Variants in HYDIN observed in about 807,000 individuals in gnomAD.
The protein encoded by HYDIN is HYDIN axonemal central pair apparatus protein.
In HYDIN, 132 loss-of-function variants were observed where a neutral mutation model predicts 403.9. That is an observed-to-expected ratio of 0.33 (90% CI 0.28 to 0.38). HYDIN has a LOEUF of 0.38. HYDIN is among the 10% of genes least tolerant of loss of function. The pLI, the probability that HYDIN is intolerant of heterozygous loss-of-function variation, is 1.00. For synonymous variants in HYDIN, 1,202 were observed against 1,891.7 expected (o/e 0.64, Z 9.46); for missense variants, 2,827 against 5,009.5 (o/e 0.56, Z 13.15).
At chr16:71,032,577 A>T (rs1323034365) in intron 18 of HYDIN, among the ~76,000 whole-genome samples, 1 of 133,712 alleles carries the variant, frequency 7.5e-6, no homozygotes, top group Non-Finnish European at 1.6e-5. Context: ...CTGTGCAAAC[A>T]TTGTAGAGCG....
In HYDIN at chr16:71,170,486, C is replaced by T. The variant is rs1434891463; in HGVS notation, c.516+5121G>A. On this transcript the variant is annotated intron_variant, in intron 5 of 85. Coordinates refer to ENST00000393567, the MANE Select transcript of HYDIN (RefSeq NM_001270974.2). ...AGGCTATAGATCTAACTATCAGTTACAGGCAACAGGCAGCAAGGGGCCATT... is the reference window on the plus strand; with the variant it reads ...AGGCTATAGATCTAACTATCAGTTATAGGCAACAGGCAGCAAGGGGCCATT... Among the ~76,000 whole-genome samples the T allele has an allele frequency of 3.9e-5, 6 of 152,252 alleles. No homozygotes were observed. In the East Asian group the frequency reaches 1.2e-3, roughly 29 times the overall value.
intron 75 of HYDIN, among the ~76,000 whole-genome samples, chr16:70,843,592 A>G (rs1386706493): frequency 1.4e-5 from 2 of 140,696 alleles, no homozygotes; most frequent in Admixed American, 7.0e-5. Flanking sequence ...GGTATTACTA[A>G]TTCTAGGTCC....
intron 3 of HYDIN, 28 bp from the exon 4 acceptor site, chr16:71,179,075 A>C (rs375993593): frequency 6.3e-7 from 1 of 1,587,932 alleles, no homozygotes; most frequent in Non-Finnish European, 8.6e-7. Context: ...AATTATTGTT[A>C]TAGTCACACA....
intron 23 of HYDIN, among the ~76,000 whole-genome samples, chr16:70,995,489 T>G (rs2079501244): frequency 6.6e-6 from 1 of 152,144 alleles, no homozygotes; most frequent in Non-Finnish European, 1.5e-5. Context: ...TCATGTTTTA[T>G]TTTCAACTCT....
chr16:70,979,176 C>T, intron 29 of HYDIN, 135 bp from the exon 30 acceptor site: 1 of 1,138,796 alleles, frequency 8.8e-7, no homozygotes, highest in Non-Finnish European at 1.2e-6. Flanking sequence ...GATACTTTGT[C>T]TGCCCCGCTT....
At chr16:71,141,452 A>C (rs3094845) in intron 7 of HYDIN, among the ~76,000 whole-genome samples, 1 of 152,016 alleles carries the variant, frequency 6.6e-6, no homozygotes, top group Non-Finnish European at 1.5e-5. Flanking sequence ...CCCTCTAAAA[A>C]ACTAAGAAAT....
At chr16:71,098,443 C>A (rs112972027) in intron 10 of HYDIN, among the ~76,000 whole-genome samples, 1 of 151,726 alleles carries the variant, frequency 6.6e-6, no homozygotes, top group African/African-American at 2.4e-5. Flanking sequence ...ACCTCAAGAT[C>A]CGCCCGCCTC....
intron 28 of HYDIN, 33 bp from the exon 29 acceptor site, chr16:70,981,601 G>C (rs758835698): frequency 1.2e-6 from 2 of 1,601,606 alleles, no homozygotes; most frequent in South Asian, 2.2e-5. Flanking sequence ...AAGGGAAAAC[G>C]AATGTGCTAC....
intron 1 of HYDIN, among the ~76,000 whole-genome samples, chr16:71,224,433 A>G (rs1332070719): frequency 1.3e-5 from 2 of 152,232 alleles, no homozygotes; most frequent in Non-Finnish European, 2.9e-5. Flanking sequence ...CTCAAAAATG[A>G]TTGAAATATA....
At chr16:71,022,875 A>G (rs1458694163) in intron 21 of HYDIN, among the ~76,000 whole-genome samples, 1 of 151,904 alleles carries the variant, frequency 6.6e-6, no homozygotes, top group East Asian at 1.9e-4. Context: ...CAAACAGTAG[A>G]CATTTAAATA....
At chr16:71,056,776 C>T (rs905802056) in intron 18 of HYDIN, among the ~76,000 whole-genome samples, 2 of 151,960 alleles carry the variant, frequency 1.3e-5, no homozygotes, top group African/African-American at 4.8e-5. Flanking sequence ...TTAATTGAAG[C>T]TCTCTCCTAA....
rs1597962302 is a variant in HYDIN at position 71,179,025 on chromosome 16, T to C, written c.284A>G (p.Gln95Arg). ...TGATGGAAAGGGCTGGAATAATGCC[T>C]GATCCAGGTCAATTCCTGAAAACTT... ...HQKFSGIDLD[Q>R]ALFQPFPSEI... The change falls in exon 4 of 86, where the codon CAG becomes CGG. Residue 95 changes from glutamine (Q) to arginine (R), a missense_variant. Gln to Arg is a conservative substitution (Grantham distance 43, BLOSUM62 1). Coordinates refer to ENST00000393567, the MANE Select transcript of HYDIN (RefSeq NM_001270974.2). 1 of 1,611,648 alleles carries C rather than the reference T, an allele frequency of 6.2e-7. No individual in the cohort carries two copies. Among genetic ancestry groups the C allele is most frequent in the Non-Finnish European group, 8.5e-7 (1 of 1,178,498 alleles).
chr16:71,207,603 C>T (rs1313464215), intron 1 of HYDIN, among the ~76,000 whole-genome samples: 2 of 152,120 alleles, frequency 1.3e-5, no homozygotes, highest in Admixed American at 6.5e-5. Context: ...GGGCTTGATG[C>T]CCCAGTTAAA....
chr16:70,823,689 C>T (rs1359135666), intron 83 of HYDIN, among the ~76,000 whole-genome samples: 1 of 152,184 alleles, frequency 6.6e-6, no homozygotes, highest in Non-Finnish European at 1.5e-5. Context: ...TGGTAAATCC[C>T]ATGTTGTCTC....
At chr16:70,824,532 CTTTTT>C (rs11452010) in intron 83 of HYDIN, among the ~76,000 whole-genome samples, 2 of 145,584 alleles carry the variant, frequency 1.4e-5, no homozygotes, top group Non-Finnish European at 3.0e-5. Context: ...CTTTGATTCA[CTTTTT>C]TTTTTTTTGA....
chr16:70,928,625 T>C (rs1023820338), intron 45 of HYDIN, among the ~76,000 whole-genome samples: 1 of 140,768 alleles, frequency 7.1e-6, no homozygotes, highest in Non-Finnish European at 1.6e-5. Flanking sequence ...AGTGATTACA[T>C]GGATCAAATT....
chr16:71,178,434 AATAT>A (rs1555501893), intron 4 of HYDIN, among the ~76,000 whole-genome samples: 37 of 94,540 alleles, frequency 3.9e-4, no homozygotes, highest in South Asian at 1.1e-3. Flanking sequence ...AAAAAAAAAA[AATAT>A]ATATATATAT....
intron 5 of HYDIN, among the ~76,000 whole-genome samples, chr16:71,171,511 AAAT>A (rs1260742011): frequency 6.6e-6 from 1 of 152,210 alleles, no homozygotes; most frequent in Non-Finnish European, 1.5e-5. Flanking sequence ...TGAGTAAATG[AAAT>A]AATATTATTC....
Position 70,908,778 on chromosome 16 carries a change from T to C in HYDIN, c.8088A>G (p.Lys2696=). 1.2e-6 allele frequency: 2 copies of C among 1,614,260 alleles called. No individual in the cohort carries two copies. Among genetic ancestry groups the C allele is most frequent in the Non-Finnish European group, 1.7e-6 (2 of 1,180,056 alleles). Residue 2696 remains lysine, a synonymous_variant, in exon 48 of 86, where the codon AAA becomes AAG. Coordinates refer to ENST00000393567, the MANE Select transcript of HYDIN (RefSeq NM_001270974.2). ...TGTTTAAGGCCATGTGACGCTTGTC[T>C]TTCTGAATCTCGAAGACTTGGTCTA... The part of the protein sequence containing the change: ...EKIDQVFEIQ[K]DKRHMALNRK...
Sources: allele counts gnomAD v4.1 joint callset (sites outside exome capture counted in the v4.1 genomes callset), GRCh38; gene constraint gnomAD v4.1.1; transcripts MANE v1.5; gene names NCBI Gene and HGNC (gene_info 2026-07-23, HGNC 2026-07-21).